Variants in TEAD1 observed in about 807,000 individuals in gnomAD.
TEAD1 encodes the protein TEA domain transcription factor 1, also known as transcriptional enhancer factor TEF-1.
In TEAD1, 9 loss-of-function variants were observed where a neutral mutation model predicts 54.9. The observed-to-expected ratio is 0.16, with a 90% confidence interval of 0.10 to 0.29. TEAD1 has a LOEUF of 0.29. Ranked by LOEUF, TEAD1 falls within the 10% of genes least tolerant of loss-of-function variation. The pLI, the probability that TEAD1 is intolerant of heterozygous loss-of-function variation, is 1.00. For missense variants in TEAD1, 387 were observed against 535.9 expected, an observed-to-expected ratio of 0.72 and a Z score of 2.74; for synonymous variants, 200 against 187.8, an observed-to-expected ratio of 1.07 and a Z score of -0.53.
At chr11:12,837,689 TTCTCCC>T (rs1946925402) in intron 3 of TEAD1, among the ~76,000 whole-genome samples, 10 of 148,096 alleles carry the variant, frequency 6.8e-5, no homozygotes, top group African/African-American at 2.6e-4. Context: ...TCTTTCTCCC[TTCTCCC>T]TTCTCCCTTC....
At chr11:12,875,014 A>G (rs1279253775) in intron 5 of TEAD1, among the ~76,000 whole-genome samples, 1 of 152,226 alleles carries the variant, frequency 6.6e-6, no homozygotes, top group Non-Finnish European at 1.5e-5. Flanking sequence ...GCACGCACAC[A>G]TACACACTCA....
chr11:12,749,827 C>G (rs1378677010), intron 2 of TEAD1, among the ~76,000 whole-genome samples: 2 of 152,128 alleles, frequency 1.3e-5, no homozygotes, highest in Non-Finnish European at 2.9e-5. Flanking sequence ...CTTATCCTGC[C>G]TCAGCCTGTC....
intron 2 of TEAD1, among the ~76,000 whole-genome samples, chr11:12,680,970 G>T (rs1005798103): frequency 6.6e-6 from 1 of 152,150 alleles, no homozygotes; most frequent in African/African-American, 2.4e-5. Flanking sequence ...CATTACTGTG[G>T]CTGGGGGTGT....
intron 2 of TEAD1, among the ~76,000 whole-genome samples, chr11:12,735,386 T>C (rs1271285940): frequency 2.0e-5 from 3 of 152,008 alleles, no homozygotes; most frequent in Non-Finnish European, 4.4e-5. Context: ...AAAAAAGAAA[T>C]CTTATCCCAC....
At chr11:12,777,345 G>A (rs759717359) in intron 3 of TEAD1, among the ~76,000 whole-genome samples, 1 of 152,094 alleles carries the variant, frequency 6.6e-6, no homozygotes, top group Non-Finnish European at 1.5e-5. Flanking sequence ...ATTTACAAAG[G>A]TCCCAATTGC....
intron 2 of TEAD1, among the ~76,000 whole-genome samples, chr11:12,744,102 G>A (rs1033200829): frequency 6.6e-6 from 1 of 152,164 alleles, no homozygotes; most frequent in Non-Finnish European, 1.5e-5. Flanking sequence ...CTTTAGTTGC[G>A]CTAGGCCAGA....
rs180757931 is a variant in TEAD1, at chr11:12,876,800, C to T, written c.331-2908C>T. ...CTGGTCTAAGAGAAACCAATGGATT[C>T]GTATTGATGTCAGGGTGATGTTGAT... is the stretch of plus-strand genomic sequence containing the variant. On this transcript the variant is annotated intron_variant, in intron 5 of 12. Transcript: ENST00000527636. 5.5e-3 allele frequency among the ~76,000 whole-genome samples: 831 copies of T among 152,180 alleles called. 2 individuals are homozygous for T. The highest frequency in any genetic ancestry group is 0.024 in the Middle Eastern group (7 of 294).
chr11:12,741,046 A>G (rs1174555223), intron 2 of TEAD1, among the ~76,000 whole-genome samples: 1 of 152,214 alleles, frequency 6.6e-6, no homozygotes, highest in Non-Finnish European at 1.5e-5. Flanking sequence ...AGAAAACTGC[A>G]ATATCACTGT....
intron 2 of TEAD1, among the ~76,000 whole-genome samples, chr11:12,685,805 G>A (rs1671868450): frequency 6.6e-6 from 1 of 152,184 alleles, no homozygotes; most frequent in Admixed American, 6.5e-5. Flanking sequence ...ATCATGAAGA[G>A]GAGACACCTG....
intron 2 of TEAD1, among the ~76,000 whole-genome samples, chr11:12,729,615 A>G (rs147871648): frequency 2.0e-5 from 3 of 152,322 alleles, no homozygotes; most frequent in African/African-American, 7.2e-5. Flanking sequence ...CATTCATTAT[A>G]TTGTGTGGTA....
At chr11:12,832,168 A>G (rs1447611075) in intron 3 of TEAD1, among the ~76,000 whole-genome samples, 1 of 152,124 alleles carries the variant, frequency 6.6e-6, no homozygotes, top group Non-Finnish European at 1.5e-5. Flanking sequence ...TTTTTTGTTT[A>G]CAATTCTAAG....
In TEAD1 at chr11:12,682,079, C is replaced by T. The variant is rs141604407; in HGVS notation, c.-55+6518C>T. ...TTCTGAAAGGCCCCATCATAACATC[C>T]GCTCCTGGCTGGGAACCATTGATCT... is the stretch of plus-strand genomic sequence containing the variant. On this transcript the variant is annotated intron_variant, in intron 2 of 12. Coordinates refer to ENST00000527636, the MANE Select transcript of TEAD1 (RefSeq NM_021961.6). 3.0e-3 allele frequency among the ~76,000 whole-genome samples: 462 copies of T among 152,298 alleles called. 6 individuals carry two copies. In the South Asian group the frequency reaches 0.031, roughly 10 times the overall value.
intron 2 of TEAD1, among the ~76,000 whole-genome samples, chr11:12,733,067 C>T (rs1262263848): frequency 6.6e-6 from 1 of 152,294 alleles, no homozygotes; most frequent in African/African-American, 2.4e-5. Flanking sequence ...CCTCCATTGA[C>T]CCACATGGGG....
Position 12,937,270 on chromosome 11 carries a change from T to C in TEAD1, c.*48T>C, listed in dbSNP as rs1949118902. ...ATATCTGTATATACACACACACATATGTGCACACACACACTCTCTCTCCAT... is the reference window on the plus strand; with the variant it reads ...ATATCTGTATATACACACACACATACGTGCACACACACACTCTCTCTCCAT... On this transcript the variant is annotated 3_prime_UTR_variant, in exon 13 of 13. Transcript: ENST00000527636. 3.8e-6 allele frequency: 5 copies of C among 1,323,052 alleles called. No individual in the cohort carries two copies. The highest frequency in any genetic ancestry group is 1.7e-5 in the Admixed American group (1 of 58,442). The allele number at this position is 1,323,052 out of a possible 1,614,324, so 82.0% of individuals were successfully genotyped here. A position where few individuals can be genotyped will look rare whatever the true frequency, so the allele number is the denominator to read the frequency against.
chr11:12,919,912 C>G (rs991078238), intron 10 of TEAD1, among the ~76,000 whole-genome samples: 1 of 152,154 alleles, frequency 6.6e-6, no homozygotes, highest in Non-Finnish European at 1.5e-5. Context: ...TTCAGTAACA[C>G]ATGTGGACTC....
chr11:12,900,381 G>A (rs1403937819), intron 9 of TEAD1, among the ~76,000 whole-genome samples: 1 of 152,148 alleles, frequency 6.6e-6, no homozygotes, highest in Non-Finnish European at 1.5e-5. Context: ...CTTTTAATAC[G>A]CTAGTATTTA....
intron 3 of TEAD1, among the ~76,000 whole-genome samples, chr11:12,810,288 A>G (rs1448403367): frequency 6.6e-6 from 1 of 152,068 alleles, no homozygotes; most frequent in African/African-American, 2.4e-5. Flanking sequence ...CTCTTTCCCC[A>G]TTCTTAAGTA....
chr11:12,877,748 C>T (rs1010304528), intron 5 of TEAD1, among the ~76,000 whole-genome samples: 1 of 150,750 alleles, frequency 6.6e-6, no homozygotes, highest in Admixed American at 6.6e-5. Flanking sequence ...CTCCCTTCCT[C>T]CTTCCCCTTT....
At chr11:12,858,027 C>T (rs1490571170) in intron 3 of TEAD1, among the ~76,000 whole-genome samples, 4 of 152,238 alleles carry the variant, frequency 2.6e-5, no homozygotes, top group Admixed American at 6.5e-5. Context: ...ATCACTTGAA[C>T]CTGAGAGGTT....
Sources: gnomAD v4.1 joint callset for allele counts (sites outside exome capture counted in the v4.1 genomes callset) on GRCh38, gnomAD v4.1.1 for gene constraint, MANE v1.5 for transcripts, NCBI Gene and HGNC (gene_info 2026-07-23, HGNC 2026-07-21) for gene names.